The following KDM1B variants were observed in gnomAD, a reference collection of about 807,000 sequenced individuals.
KDM1B encodes the protein lysine demethylase 1B.
A neutral mutation model predicts 107.4 loss-of-function variants in KDM1B; 63 were observed. The observed-to-expected ratio is 0.59, with a 90% CI of 0.48 to 0.72. KDM1B has a LOEUF of 0.72. KDM1B is among the 30% of genes least tolerant of loss of function. KDM1B has a pLI of 0.00. For missense variants in KDM1B, 749 were observed against 1,020.8 expected, an observed-to-expected ratio of 0.73 and a Z score of 3.63; for synonymous variants, 363 against 363.9, an observed-to-expected ratio of 1.00 and a Z score of 0.03.
In KDM1B at chr6:18,222,067, A is replaced by G; in HGVS notation, c.*75A>G. On this transcript the variant is annotated 3_prime_UTR_variant, in exon 22 of 22. Transcript: ENST00000650836. ...ATCACATGTTAAACCTCAGTTTTAT[A>G]AGAGGGGGAAAAAACCGTCTCTACA... The G allele has an allele frequency of 7.6e-7, 1 of 1,324,182 alleles. No homozygotes were observed. The highest frequency in any genetic ancestry group is 1.1e-6 in the Non-Finnish European group (1 of 915,736). The allele number at this position is 1,324,182 out of a possible 1,614,324, so 82.0% of individuals were successfully genotyped here.
intron 10 of KDM1B, among the ~76,000 whole-genome samples, chr6:18,193,146 G>T (rs112309671): frequency 1.9e-3 from 247 of 130,712 alleles, no homozygotes; most frequent in African/African-American, 7.1e-3. Context: ...AGTGAGCTGA[G>T]ATCACACCAT....
Position 18,220,050 on chromosome 6 carries a change from C to A in KDM1B, c.2386-1859C>A, listed in dbSNP as rs1190866991. 9.9e-5 allele frequency among the ~76,000 whole-genome samples: 15 copies of A among 152,168 alleles called. 1 individual carries two copies. In the East Asian group the frequency reaches 2.3e-3, roughly 23 times the overall value. On this transcript the variant is annotated intron_variant, in intron 21 of 21. Transcript: ENST00000650836. ...TTTCACCCCTTGCTAACCTCTGCCT[C>A]CATGGTTCCTCATACTTCCAATGGC...
At position 18,186,691 on chromosome 6, in the gene KDM1B, C is replaced by CAAAAG. The variant is rs1786876067; in HGVS notation, c.573+882_573+883insAAAGA. Among the ~76,000 whole-genome samples, 1 of 152,046 alleles carries CAAAAG rather than the reference C, an allele frequency of 6.6e-6. No individual in the cohort carries two copies. The highest frequency in any genetic ancestry group is 2.4e-5 in the African/African-American group (1 of 41,376). On this transcript the variant is annotated intron_variant, in intron 8 of 21. Coordinates refer to ENST00000650836, the MANE Select transcript of KDM1B (RefSeq NM_001364614.2). This position sits in a 1 kb window ranked among gnomAD's most constrained non-coding sequence, Gnocchi z 5.6. ...CAGTTCTGCATGGCTGGGGAGGCCT[C>CAAAAG]AGGAAACTTAGAATCATGGCAGAAG...
intron 5 of KDM1B, among the ~76,000 whole-genome samples, chr6:18,165,656 C>T (rs1582086402): frequency 6.6e-6 from 1 of 152,050 alleles, no homozygotes; most frequent in Non-Finnish European, 1.5e-5. Flanking sequence ...AACCCCATCT[C>T]TACTAAAAAT....
rs1788304898 is a variant in KDM1B, at chr6:18,205,461, G to C, written c.1532-76G>C. ...TTTTGGGTGTTGCTGGGTGACAGAG[G>C]TTGAAAGCAAAGGAGAAAGAATTGG... On this transcript the variant is annotated intron_variant, in intron 14 of 21. Coordinates refer to ENST00000650836, the MANE Select transcript of KDM1B (RefSeq NM_001364614.2). This position sits in a 1 kb window ranked among gnomAD's most constrained non-coding sequence, Gnocchi z 5.7. The C allele has an allele frequency of 1.4e-6, 2 of 1,449,378 alleles. No homozygotes were observed. Among genetic ancestry groups the C allele is most frequent in the Non-Finnish European group, 9.3e-7 (1 of 1,078,626 alleles). 89.8% of individuals were successfully genotyped at this position (1,449,378 alleles called of 1,614,324 possible).
chr6:18,187,051 G>A (rs552481511), intron 8 of KDM1B, among the ~76,000 whole-genome samples: 41 of 151,374 alleles, frequency 2.7e-4, no homozygotes, highest in African/African-American at 9.0e-4. Flanking sequence ...CGAATTCCTG[G>A]AGCATAAGTG....
At chr6:18,217,598 C>G (rs545870874) in intron 20 of KDM1B, 135 bp from the exon 21 acceptor site, 1 of 628,436 alleles carries the variant, frequency 1.6e-6, no homozygotes, top group Non-Finnish European at 2.8e-6. Context: ...AGGATCGTCT[C>G]GATCTCCTGA....
chr6:18,180,823 C>G (rs1786416067), intron 7 of KDM1B, among the ~76,000 whole-genome samples: 1 of 152,206 alleles, frequency 6.6e-6, no homozygotes, highest in African/African-American at 2.4e-5. Flanking sequence ...GTCTTGGCCT[C>G]TCAAAGTGCT....
Position 18,222,601 on chromosome 6 carries a change from T to G in KDM1B, c.*609T>G, listed in dbSNP as rs968847067. The G allele has an allele frequency of 1.2e-5, 2 of 165,162 alleles. No homozygotes were observed. The highest frequency in any genetic ancestry group is 4.8e-5 in the African/African-American group (2 of 41,514). 10.2% of individuals were successfully genotyped at this position (165,162 alleles called of 1,614,324 possible). A position where few individuals can be genotyped will look rare whatever the true frequency, so the allele number is the denominator to read the frequency against. On this transcript the variant is annotated 3_prime_UTR_variant, in exon 22 of 22. Transcript: ENST00000650836. Reference sequence around the variant, plus strand: ...ACTGGGTGTTCAAAAGAAATTTAAATTCAAGTACCTTTTGTGATAAAATGT... The same window carrying G: ...ACTGGGTGTTCAAAAGAAATTTAAAGTCAAGTACCTTTTGTGATAAAATGT...
Position 18,204,763 on chromosome 6 carries a change from G to A in KDM1B, c.1532-774G>A, listed in dbSNP as rs777657712. Among the ~76,000 whole-genome samples, 1 of 152,206 alleles carries A rather than the reference G, an allele frequency of 6.6e-6. No homozygotes were observed. The highest frequency in any genetic ancestry group is 2.4e-5 in the African/African-American group (1 of 41,460). On this transcript the variant is annotated intron_variant, in intron 14 of 21. Coordinates refer to ENST00000650836, the MANE Select transcript of KDM1B (RefSeq NM_001364614.2). The surrounding 1 kb of genome is among the most constrained non-coding windows in gnomAD (Gnocchi z 4.9). ...GGGAGAAATTCTGGGGGCTTGCCAC[G>A]GCCCGGTGATGCCCGACTATAAAGA... is the stretch of plus-strand genomic sequence containing the variant.
chr6:18,223,252 AAGT>A lies in KDM1B; in HGVS notation c.*1263_*1265del, dbSNP rs1471548137. The A allele has an allele frequency of 2.0e-5, 3 of 152,620 alleles. No individual in the cohort carries two copies. Among genetic ancestry groups the A allele is most frequent in the Middle Eastern group, 3.4e-3 (1 of 294 alleles). The allele number at this position is 152,620 out of a possible 1,614,324, so 9.5% of individuals were successfully genotyped here. ...AATATTGAGTATTTTAAAAATTTAAAAGTAGGTCAGTTTATAACGAGTAAATAC... is the reference window on the plus strand; with the variant it reads ...AATATTGAGTATTTTAAAAATTTAAAAGGTCAGTTTATAACGAGTAAATAC... On this transcript the variant is annotated 3_prime_UTR_variant, in exon 22 of 22. Transcript: ENST00000650836.
intron 21 of KDM1B, among the ~76,000 whole-genome samples, chr6:18,220,418 G>C (rs148890340): frequency 1.3e-5 from 2 of 152,114 alleles, no homozygotes; most frequent in African/African-American, 4.8e-5. Flanking sequence ...GCATGGTGGC[G>C]GGCGCCTGTA....
intron 15 of KDM1B, among the ~76,000 whole-genome samples, chr6:18,206,589 T>C (rs367849219): frequency 6.6e-6 from 1 of 152,112 alleles, no homozygotes; most frequent in Admixed American, 6.5e-5. Flanking sequence ...GGGTCTCTTA[T>C]GTTTTTCTTA....
chr6:18,168,954 C>G (rs911122554), intron 6 of KDM1B, among the ~76,000 whole-genome samples: 3 of 152,048 alleles, frequency 2.0e-5, no homozygotes, highest in African/African-American at 7.2e-5. Flanking sequence ...TCGCTGCAAC[C>G]TCTGCCTTCT....
intron 5 of KDM1B, among the ~76,000 whole-genome samples, chr6:18,165,165 A>T (rs1582084652): frequency 6.0e-5 from 5 of 82,908 alleles, no homozygotes; most frequent in South Asian, 3.6e-4. Context: ...ACAGAATCTT[A>T]CTCTGTCCCC....
In KDM1B at chr6:18,222,346, T is replaced by C; in HGVS notation, c.*354T>C. On this transcript the variant is annotated 3_prime_UTR_variant, in exon 22 of 22. Transcript: ENST00000650836. Reference sequence around the variant, plus strand: ...TATATGGCTGATCAATTTTCATACATTGAGAAACCAAGTCAATCAAGCAGG... The same window carrying C: ...TATATGGCTGATCAATTTTCATACACTGAGAAACCAAGTCAATCAAGCAGG... 8.6e-6 allele frequency: 3 copies of C among 350,386 alleles called. No individual in the cohort carries two copies. The highest frequency in any genetic ancestry group is 2.4e-5 in the South Asian group (1 of 42,010). The allele number at this position is 350,386 out of a possible 1,614,324, so 21.7% of individuals were successfully genotyped here.
intron 7 of KDM1B, among the ~76,000 whole-genome samples, chr6:18,183,426 T>G (rs139550196): frequency 0.034 from 5,185 of 151,670 alleles, 278 homozygotes; most frequent in African/African-American, 0.12. Flanking sequence ...ACCTGACTAA[T>G]TTTTTGTATT....
chr6:18,170,909 C>T (rs1375567671), intron 6 of KDM1B, among the ~76,000 whole-genome samples: 2 of 151,788 alleles, frequency 1.3e-5, no homozygotes, highest in Admixed American at 1.3e-4. Flanking sequence ...CAAGCTTCGC[C>T]TCCCGGGTTC....
chr6:18,156,872 G>T (rs1170850740), intron 2 of KDM1B, among the ~76,000 whole-genome samples: 1 of 151,904 alleles, frequency 6.6e-6, no homozygotes, highest in Non-Finnish European at 1.5e-5. Context: ...AGCCGAGATC[G>T]CACCACTGTA....
Sources: allele counts gnomAD v4.1 joint callset (sites outside exome capture counted in the v4.1 genomes callset), GRCh38; gene constraint gnomAD v4.1.1; non-coding constraint Gnocchi (gnomAD v3.1); transcripts MANE v1.5; gene names NCBI Gene and HGNC (gene_info 2026-07-23, HGNC 2026-07-21).